BABAM2: variants seen among roughly 807,000 people sequenced by gnomAD.
BABAM2 encodes the protein BRISC and BRCA1 A complex member 2.
A neutral mutation model predicts 54.7 loss-of-function variants in BABAM2; 31 were observed. That is an observed-to-expected ratio of 0.57 (90% CI 0.43 to 0.77). The LOEUF is 0.77. Among genes scored for constraint, BABAM2 ranks in the 30% least tolerant of loss-of-function variants. The pLI is 0.00. For synonymous variants in BABAM2, 167 were observed against 162.9 expected (o/e 1.03, Z -0.19); for missense variants, 364 against 455.8 (o/e 0.80, Z 1.83).
intron 7 of BABAM2, among the ~76,000 whole-genome samples, chr2:28,158,806 T>C (rs184736481): frequency 3.4e-3 from 513 of 152,318 alleles, no homozygotes; most frequent in Non-Finnish European, 6.4e-3. Flanking sequence ...ACAGGAATTG[T>C]GGGAGGTTTT....
At chr2:27,981,583 T>G (rs1458448611) in intron 3 of BABAM2, among the ~76,000 whole-genome samples, 1 of 152,174 alleles carries the variant, frequency 6.6e-6, no homozygotes, top group Non-Finnish European at 1.5e-5. Flanking sequence ...TCTAGACATT[T>G]CATATAAATA....
intron 4 of BABAM2, 100 bp downstream of exon 4, chr2:27,988,187 CA>C (rs1315921671): frequency 1.8e-6 from 2 of 1,087,028 alleles, no homozygotes; most frequent in Non-Finnish European, 2.8e-6. Flanking sequence ...CACACATCTG[CA>C]TTTTTTTCCC....
intron 4 of BABAM2, among the ~76,000 whole-genome samples, chr2:28,001,951 A>C (rs1673609612): frequency 6.6e-6 from 1 of 152,128 alleles, no homozygotes. Flanking sequence ...GAAAGGTAAT[A>C]ACAGAGTTCA....
intron 2 of BABAM2, among the ~76,000 whole-genome samples, chr2:27,918,855 C>T (rs1267961734): frequency 6.6e-6 from 1 of 151,980 alleles, no homozygotes; most frequent in Admixed American, 6.6e-5. Context: ...TGCCCACTAA[C>T]TTTTTGGTAT....
At chr2:28,233,849 GT>G (rs1183274829) in intron 7 of BABAM2, among the ~76,000 whole-genome samples, 6 of 152,194 alleles carry the variant, frequency 3.9e-5, no homozygotes, top group Non-Finnish European at 8.8e-5. Context: ...GGGTGGGAGA[GT>G]ACTGAGGTAT....
chr2:27,966,428 TG>T (rs1670851109), intron 3 of BABAM2, among the ~76,000 whole-genome samples: 1 of 152,146 alleles, frequency 6.6e-6, no homozygotes. Context: ...TAAAATAATG[TG>T]GTGTGTTTTA....
chr2:28,248,690 G>A (rs1176879446), intron 10 of BABAM2, among the ~76,000 whole-genome samples: 1 of 152,132 alleles, frequency 6.6e-6, no homozygotes, highest in Non-Finnish European at 1.5e-5. Flanking sequence ...GCTTAGAAGG[G>A]GAGACAATTG....
At chr2:28,234,413 G>A (rs939974620) in intron 7 of BABAM2, among the ~76,000 whole-genome samples, 4 of 151,882 alleles carry the variant, frequency 2.6e-5, no homozygotes, top group Admixed American at 6.6e-5. Flanking sequence ...TTTGTCTAAC[G>A]GCTGTATTTC....
intron 3 of BABAM2, among the ~76,000 whole-genome samples, chr2:27,950,520 G>A (rs1049408056): frequency 6.6e-6 from 1 of 152,052 alleles, no homozygotes; most frequent in African/African-American, 2.4e-5. Context: ...TTGATGTAGT[G>A]TCCTTTCTCT....
intron 6 of BABAM2, among the ~76,000 whole-genome samples, chr2:28,063,822 C>A (rs1679096111): frequency 2.6e-5 from 4 of 152,030 alleles, no homozygotes; most frequent in South Asian, 2.1e-4. Context: ...CACTTATGAT[C>A]AAAAAAATCT....
chr2:27,927,283 A>G (rs1573186620), intron 2 of BABAM2, among the ~76,000 whole-genome samples: 1 of 152,332 alleles, frequency 6.6e-6, no homozygotes, highest in East Asian at 1.9e-4. Context: ...GAGTTATTCA[A>G]ACAAACTGGA....
intron 11 of BABAM2, among the ~76,000 whole-genome samples, chr2:28,332,863 A>T (rs986228592): frequency 2.0e-5 from 3 of 152,220 alleles, no homozygotes; most frequent in African/African-American, 7.2e-5. Context: ...TGCAAAAGAC[A>T]CACAGTGTCC....
chr2:28,179,824 A>C (rs1031885524), intron 7 of BABAM2, among the ~76,000 whole-genome samples: 2 of 152,188 alleles, frequency 1.3e-5, no homozygotes, highest in African/African-American at 4.8e-5. Context: ...GTTTCTATAC[A>C]CCAATAATGA....
chr2:28,328,168 A>G (rs78318483), intron 11 of BABAM2, among the ~76,000 whole-genome samples: 32 of 152,258 alleles, frequency 2.1e-4, no homozygotes, highest in Non-Finnish European at 4.4e-4. Context: ...CTTTGACACG[A>G]GGCGAGTAAC....
intron 5 of BABAM2, among the ~76,000 whole-genome samples, chr2:28,025,951 T>C (rs752173143): frequency 6.6e-6 from 1 of 152,230 alleles, no homozygotes; most frequent in Non-Finnish European, 1.5e-5. Flanking sequence ...TTCTCTTTTT[T>C]TCTCTCATGG....
chr2:28,262,453 G>A (rs1415620624), intron 10 of BABAM2, among the ~76,000 whole-genome samples: 1 of 152,058 alleles, frequency 6.6e-6, no homozygotes, highest in African/African-American at 2.4e-5. Context: ...CTGAACTAGA[G>A]GAGTCATAGT....
intron 5 of BABAM2, among the ~76,000 whole-genome samples, chr2:28,026,778 A>ATATATATCT (rs1558666716): frequency 2.9e-5 from 3 of 102,532 alleles, no homozygotes; most frequent in African/African-American, 8.0e-5. Flanking sequence ...AATATATAAA[A>ATATATATCT]AAATATAAAT....
At chr2:27,987,949 T>A (rs1304527720) in intron 3 of BABAM2, 44 bp from the exon 4 acceptor site, 5 of 1,515,722 alleles carry the variant, frequency 3.3e-6, no homozygotes, top group Non-Finnish European at 4.6e-6. Flanking sequence ...ATATTCATAC[T>A]TAGAAAGGAA....
chr2:27,905,414 C>T (rs923770594), intron 2 of BABAM2, among the ~76,000 whole-genome samples: 1 of 152,114 alleles, frequency 6.6e-6, no homozygotes, highest in African/African-American at 2.4e-5. Flanking sequence ...GGTCTCATAA[C>T]CTTTCGGTGC....
Sources: allele counts gnomAD v4.1 joint callset (sites outside exome capture counted in the v4.1 genomes callset), GRCh38; gene constraint gnomAD v4.1.1; transcripts MANE v1.5; gene names NCBI Gene and HGNC (gene_info 2026-07-23, HGNC 2026-07-21).